PCDH11X: variants seen among roughly 807,000 people sequenced by gnomAD.
PCDH11X encodes the protein protocadherin 11 X-linked, also known as protocadherin-11 X-linked.
In PCDH11X, 18 loss-of-function variants were observed where a neutral mutation model predicts 53.3. The observed-to-expected ratio is 0.34, with a 90% CI of 0.23 to 0.50. The LOEUF (loss-of-function observed/expected upper bound fraction) is 0.50, where lower values mean the gene tolerates loss of function less well. PCDH11X is among the 20% of genes least tolerant of loss of function. The pLI is 0.98. For missense variants in PCDH11X, 570 were observed against 1,032.4 expected (o/e 0.55, Z 6.14); for synonymous variants, 279 against 393.3 (o/e 0.71, Z 3.44).
intron 10 of PCDH11X, among the ~76,000 whole-genome samples, chrX:92,565,150 A>G (rs1472588651): frequency 9.2e-6 from 1 of 108,870 alleles, no homozygotes; most frequent in Non-Finnish European, 1.9e-5. Context: ...GAGAAAAGGG[A>G]AACCTCTTTC....
At chrX:91,933,392 A>G (rs2061410648) in intron 6 of PCDH11X, among the ~76,000 whole-genome samples, 1 of 108,270 alleles carries the variant, frequency 9.2e-6, no homozygotes, top group Admixed American at 1.0e-4. Context: ...AAAATATTAG[A>G]AACTCTTTTG....
chrX:91,833,349 T>C (rs1937181273), intron 4 of PCDH11X, among the ~76,000 whole-genome samples: 1 of 110,269 alleles, frequency 9.1e-6, no homozygotes, highest in African/African-American at 3.3e-5. Context: ...GGGGTATTTT[T>C]AATCTCACCT....
At position 92,336,329 on chromosome X, in the gene PCDH11X, C is replaced by G. The variant is rs187864685; in HGVS notation, c.3145-51406C>G. Among the ~76,000 whole-genome samples, 11 of 111,097 alleles carry G rather than the reference C, an allele frequency of 9.9e-5. No individual in the cohort carries two copies. In the Admixed American group the frequency reaches 1.1e-3, roughly 11 times the overall value. ...ATAAAATTGAATCTTGAGATATTTT[C>G]AAGATATTTCAAGATTTTCATTGTA... On this transcript the variant is annotated intron_variant, in intron 8 of 10. Transcript: ENST00000682573.
chrX:92,261,045 A>G (rs2067704207), intron 7 of PCDH11X, among the ~76,000 whole-genome samples: 1 of 111,035 alleles, frequency 9.0e-6, no homozygotes, highest in Non-Finnish European at 1.9e-5. Flanking sequence ...GTTGCTTTTC[A>G]TCATGTTTTT....
At chrX:92,476,309 G>T (rs766380658) in intron 10 of PCDH11X, among the ~76,000 whole-genome samples, 1 of 111,582 alleles carries the variant, frequency 9.0e-6, no homozygotes, top group South Asian at 3.8e-4. Context: ...TATCAGCAGT[G>T]TGAGAATGGA....
intron 10 of PCDH11X, among the ~76,000 whole-genome samples, chrX:92,610,405 G>T (rs1927248240): frequency 9.1e-6 from 1 of 109,828 alleles, no homozygotes; most frequent in Non-Finnish European, 1.9e-5. Context: ...CTTTTGAGAA[G>T]TGTCTGTTTA....
chrX:91,782,267 C>A (rs1000584081), intron 1 of PCDH11X, among the ~76,000 whole-genome samples: 1,338 of 103,941 alleles, frequency 0.013, 32 homozygotes, highest in African/African-American at 0.045. Context: ...CGGTTTTAAA[C>A]CCGGGGTTCA....
At chrX:92,591,883 G>A in intron 10 of PCDH11X, among the ~76,000 whole-genome samples, 1 of 110,515 alleles carries the variant, frequency 9.0e-6, no homozygotes, top group Non-Finnish European at 1.9e-5. Context: ...GGGATCATGG[G>A]GATTATGGAG....
At chrX:91,971,856 T>G (rs1361401172) in intron 6 of PCDH11X, among the ~76,000 whole-genome samples, 1 of 111,591 alleles carries the variant, frequency 9.0e-6, no homozygotes, top group Non-Finnish European at 1.9e-5. Flanking sequence ...AACAAGTATC[T>G]ACATGTAAGA....
In PCDH11X at chrX:92,453,956, A is replaced by G. The variant is rs376151411; in HGVS notation, c.3344-14343A>G. Among the ~76,000 whole-genome samples, 8 of 105,791 alleles carry G rather than the reference A, an allele frequency of 7.6e-5. No individual in the cohort carries two copies. The East Asian group carries it at 2.0e-3, about 27-fold the overall frequency. The allele number at this position is 105,791 out of a possible 115,157, so 91.9% of individuals were successfully genotyped here. A position where few individuals can be genotyped will look rare whatever the true frequency, so the allele number is the denominator to read the frequency against. On this transcript the variant is annotated intron_variant, in intron 9 of 10. Coordinates refer to ENST00000682573, the MANE Select transcript of PCDH11X (RefSeq NM_032968.5). ...GGTGGGCTGATGTTCCATAATCTGTATCTGTACTTGTATAAAGATAATTAG... is the reference window on the plus strand; with the variant it reads ...GGTGGGCTGATGTTCCATAATCTGTGTCTGTACTTGTATAAAGATAATTAG...
At chrX:91,842,135 C>A (rs1937531770) in intron 5 of PCDH11X, among the ~76,000 whole-genome samples, 2 of 105,208 alleles carry the variant, frequency 1.9e-5, no homozygotes, top group African/African-American at 6.9e-5. Flanking sequence ...AATATTCTCC[C>A]TTTTGTATTT....
At chrX:92,203,765 G>C (rs1335256713) in intron 7 of PCDH11X, among the ~76,000 whole-genome samples, 1 of 111,945 alleles carries the variant, frequency 8.9e-6, no homozygotes, top group Non-Finnish European at 1.9e-5. Flanking sequence ...TGAAATCATA[G>C]GGAGTGCTGA....
chrX:92,360,166 G>T (rs1249808086), intron 8 of PCDH11X, among the ~76,000 whole-genome samples: 1 of 110,243 alleles, frequency 9.1e-6, no homozygotes, highest in African/African-American at 3.3e-5. Flanking sequence ...GTACTTGTAG[G>T]GTATTTTATA....
chrX:92,111,379 T>C (rs1602954692), intron 6 of PCDH11X, among the ~76,000 whole-genome samples: 1 of 110,082 alleles, frequency 9.1e-6, no homozygotes, highest in East Asian at 2.9e-4. Context: ...GAGAAATGAA[T>C]TTTTTCATGA....
chrX:91,855,905 CTT>C (rs1020775497), intron 5 of PCDH11X, among the ~76,000 whole-genome samples: 1 of 111,255 alleles, frequency 9.0e-6, no homozygotes, highest in Non-Finnish European at 1.9e-5. Flanking sequence ...CTTGTGGAGT[CTT>C]TAGTTTTTTC....
At chrX:92,485,844 G>A (rs928678614) in intron 10 of PCDH11X, among the ~76,000 whole-genome samples, 2 of 111,171 alleles carry the variant, frequency 1.8e-5, no homozygotes, top group African/African-American at 6.5e-5. Flanking sequence ...GAGAATTTGG[G>A]TAGCTTTATT....
chrX:92,465,705 T>C (rs1337885984), intron 9 of PCDH11X, among the ~76,000 whole-genome samples: 1 of 111,093 alleles, frequency 9.0e-6, no homozygotes, highest in East Asian at 2.8e-4. Flanking sequence ...AAGGAGATAT[T>C]AAAATATGTG....
At chrX:91,989,770 G>A (rs1294643207) in intron 6 of PCDH11X, among the ~76,000 whole-genome samples, 3 of 109,809 alleles carry the variant, frequency 2.7e-5, no homozygotes, top group Non-Finnish European at 5.7e-5. Flanking sequence ...CAAAAAAATA[G>A]ATTTAACTGT....
chrX:91,796,457 G>A (rs191676265), intron 1 of PCDH11X, among the ~76,000 whole-genome samples: 27 of 110,878 alleles, frequency 2.4e-4, no homozygotes, highest in Admixed American at 2.2e-3. Flanking sequence ...GTAATGTGGT[G>A]AAAAAATTCA....
Sources: allele counts gnomAD v4.1 joint callset (sites outside exome capture counted in the v4.1 genomes callset), GRCh38; gene constraint gnomAD v4.1.1; transcripts MANE v1.5; gene names NCBI Gene and HGNC (gene_info 2026-07-23, HGNC 2026-07-21).